NBPF12: variants seen among roughly 807,000 people sequenced by gnomAD.
NBPF12 encodes the protein NBPF member 12.
A neutral mutation model predicts 146.4 loss-of-function variants in NBPF12; 115 were observed. The ratio of observed to expected loss-of-function variants is 0.79; its 90% confidence interval spans 0.68 to 0.92. The LOEUF (loss-of-function observed/expected upper bound fraction) is 0.92. Ranked by LOEUF, NBPF12 falls within the 40% of genes least tolerant of loss-of-function variation. The pLI, the probability that NBPF12 is intolerant of heterozygous loss-of-function variation, is 0.00. For synonymous variants in NBPF12, 385 were observed against 508.9 expected (o/e 0.76, Z 3.28); for missense variants, 1,205 against 1,326.8 (o/e 0.91, Z 1.43).
upstream of NBPF12, among the ~76,000 whole-genome samples, chr1:146,938,554 T>G (rs1325630434): frequency 1.3e-5 from 2 of 151,934 alleles, no homozygotes; most frequent in African/African-American, 4.8e-5. Flanking sequence ...CATTACTCGT[T>G]TTCTCCGCCC....
intron 25 of NBPF12, among the ~76,000 whole-genome samples, 199 bp from the exon 29 acceptor site, chr1:146,987,755 G>GTGTGTGTGTGTC (rs1657879866): frequency 6.6e-6 from 1 of 151,616 alleles, no homozygotes; most frequent in African/African-American, 2.4e-5. Flanking sequence ...GTGTGTGTGT[G>GTGTGTGTGTGTC]TGTGTCTGTC....
At chr1:146,978,029 C>A (rs1300010948) in intron 18 of NBPF12, among the ~76,000 whole-genome samples, 1 of 151,968 alleles carries the variant, frequency 6.6e-6, no homozygotes, top group Non-Finnish European at 1.5e-5. Context: ...TTTAAGGAAG[C>A]TGGCAGCCTT....
At chr1:146,994,980 T>G (rs1458773252) in exon 34 of NBPF12, 1 of 276,246 alleles carries the variant, frequency 3.6e-6, no homozygotes, top group Non-Finnish European at 6.9e-6. Flanking sequence ...CCTAACCTCA[T>G]TATTTGTGTC....
At chr1:146,949,117 G>A (rs1172352287), upstream of NBPF12, among the ~76,000 whole-genome samples, 13 of 152,132 alleles carry the variant, frequency 8.5e-5, no homozygotes, top group Non-Finnish European at 1.6e-4. Context: ...AATACTAAGG[G>A]AACTCAGAGG....
At chr1:146,957,950 ATTT>A (rs1424437414) in intron 2 of NBPF12, among the ~76,000 whole-genome samples, 1 of 113,924 alleles carries the variant, frequency 8.8e-6, no homozygotes, top group Non-Finnish European at 1.9e-5. Flanking sequence ...GTGTATATAT[ATTT>A]TATATATACG....
intron 2 of NBPF12, among the ~76,000 whole-genome samples, chr1:146,954,965 A>C (rs1211888155): frequency 1.1e-5 from 1 of 89,368 alleles, no homozygotes; most frequent in African/African-American, 4.3e-5. Context: ...ATCTCCAAAT[A>C]GGGAATATAT....
At chr1:146,994,774 A>G (rs1245261985) in exon 34 of NBPF12, 33 of 913,850 alleles carry the variant, frequency 3.6e-5, no homozygotes, top group Non-Finnish European at 5.3e-5. Flanking sequence ...TAGGTGTGAC[A>G]CGTTCACATA....
intron 1 of NBPF12, among the ~76,000 whole-genome samples, chr1:146,949,761 G>T (rs1285190526): frequency 3.3e-5 from 5 of 151,386 alleles, no homozygotes; most frequent in African/African-American, 1.2e-4. Flanking sequence ...GGGGGACTGA[G>T]GGCCCTTTTT....
At chr1:146,962,693 A>T (rs1433727492) in intron 5 of NBPF12, among the ~76,000 whole-genome samples, 995 of 99,222 alleles carry the variant, frequency 0.01, no homozygotes, top group Middle Eastern at 0.017. Flanking sequence ...CATCTTTTCA[A>T]TTCGCCCCAT....
Position 146,970,779 on chromosome 1 carries a change from C to T in NBPF12, c.1379+60C>T, listed in dbSNP as rs2101874590. On this transcript the variant is annotated intron_variant, in intron 12 of 33. Transcript: ENST00000617844. ...TTAACATATGAAAATGTCTAGGAGG[C>T]ATGCCCTCTCTGGCATCTATGATGG... The T allele has an allele frequency of 8.8e-6, 11 of 1,246,768 alleles. No individual in the cohort carries two copies. In the South Asian group the frequency reaches 9.6e-5, roughly 11 times the overall value. 77.2% of individuals were successfully genotyped at this position (1,246,768 alleles called of 1,614,324 possible). A position where few individuals can be genotyped will look rare whatever the true frequency, so the allele number is the denominator to read the frequency against.
intron 12 of NBPF12, 90 bp from the exon 16 acceptor site, chr1:146,971,093 A>G (rs1377035773): frequency 4.4e-6 from 7 of 1,597,272 alleles, no homozygotes; most frequent in Non-Finnish European, 6.0e-6. Context: ...CACTCTCTTA[A>G]TGCCGCTTGT....
chr1:146,991,557 T>A (rs1184026673), intron 30 of NBPF12, among the ~76,000 whole-genome samples: 2 of 152,256 alleles, frequency 1.3e-5, no homozygotes, highest in African/African-American at 2.4e-5. Context: ...ATGTAAAAAA[T>A]TCACAGAACT....
rs1284913553 is a variant in NBPF12 at position 146,943,570 on chromosome 1, T to C, written c.-550+8T>C. ...AGCTGCCAGATCCAACAGGTAAAAA[T>C]CCTGAGGCATTGCCAGCTCGATGGG... is the stretch of plus-strand genomic sequence containing the variant. On this transcript the variant is annotated splice_region_variant and intron_variant, in intron 2 of 35. Coordinates refer to the NBPF12 transcript ENST00000617931. The C allele has an allele frequency of 1.4e-4, 183 of 1,304,046 alleles. No individual in the cohort carries two copies. The highest frequency in any genetic ancestry group is 3.7e-4 in the Admixed American group (15 of 41,022). The allele number at this position is 1,304,046 out of a possible 1,614,324, so 80.8% of individuals were successfully genotyped here.
upstream of NBPF12, among the ~76,000 whole-genome samples, chr1:146,945,688 G>A (rs1655020897): frequency 1.3e-5 from 2 of 151,698 alleles, no homozygotes; most frequent in Non-Finnish European, 1.5e-5. Context: ...AGATAGTACA[G>A]AGAGTTCTCC....
chr1:146,994,567 C>T, exon 34 of NBPF12: 3 of 1,609,082 alleles, frequency 1.9e-6, no homozygotes, highest in South Asian at 1.1e-5. Context: ...AGTCATATTC[C>T]CACAATAAGC....
At position 146,994,569 on chromosome 1, in the gene NBPF12, A is replaced by G. The variant is rs1553890116; in HGVS notation, c.4368A>G (p.Pro1456=). The change falls in exon 34 of 34, where the codon CCA becomes CCG. Residue 1456 remains proline, a synonymous_variant. Transcript: ENST00000617844. ...TCTTCCAGATGGGAGTCATATTCCC[A>G]CAATAAGCAGCCCTTACTAAGCCGA... is the stretch of plus-strand genomic sequence containing the variant. The G allele has an allele frequency of 3.1e-6, 5 of 1,609,096 alleles. No homozygotes were observed. In the Admixed American group the frequency reaches 6.7e-5, roughly 22 times the overall value.
chr1:146,963,375 C>A, intron 6 of NBPF12, 66 bp downstream of exon 9: 1 of 1,590,308 alleles, frequency 6.3e-7, no homozygotes, highest in Non-Finnish European at 8.6e-7. Flanking sequence ...GACCTCCATA[C>A]TTTCATGATG....
intron 4 of NBPF12, 142 bp downstream of exon 7, chr1:146,960,460 G>C (rs1655778294): frequency 1.6e-6 from 1 of 612,760 alleles, no homozygotes; most frequent in Non-Finnish European, 2.9e-6. Flanking sequence ...TTAACATTTT[G>C]TTAAAGTTGG....
At chr1:146,971,068 T>G in intron 12 of NBPF12, 115 bp from the exon 16 acceptor site, 2 of 1,546,428 alleles carry the variant, frequency 1.3e-6, no homozygotes, top group Admixed American at 3.4e-5. Flanking sequence ...GAACCTCCAT[T>G]TTGCTTTCTG....
Sources: gnomAD v4.1 joint callset for allele counts (sites outside exome capture counted in the v4.1 genomes callset) on GRCh38, gnomAD v4.1.1 for gene constraint, MANE v1.5 for transcripts, NCBI Gene and HGNC (gene_info 2026-07-23, HGNC 2026-07-21) for gene names.